The following PER2 variants were observed in gnomAD, a reference collection of about 807,000 sequenced individuals.
The protein encoded by PER2 is period circadian regulator 2.
Under a neutral mutation model 121.0 loss-of-function variants are expected in PER2, and 66 were observed. The observed-to-expected ratio is 0.55, with a 90% confidence interval of 0.45 to 0.67. The LOEUF is 0.67. PER2 is among the 30% of genes least tolerant of loss of function. The pLI is 0.00. For synonymous variants in PER2, 684 were observed against 659.9 expected (o/e 1.04, Z -0.56); for missense variants, 1,521 against 1,635.0 (o/e 0.93, Z 1.20).
chr2:238,258,851 A>AGCT (rs1695842267), intron 14 of PER2, among the ~76,000 whole-genome samples: 1 of 150,124 alleles, frequency 6.7e-6, no homozygotes, highest in African/African-American at 2.5e-5. Context: ...CTGGGGGGGG[A>AGCT]GCTGCTGCCC....
intron 22 of PER2, among the ~76,000 whole-genome samples, chr2:238,248,713 T>C (rs955768987): frequency 7.9e-5 from 12 of 151,120 alleles, no homozygotes; most frequent in African/African-American, 2.9e-4. Flanking sequence ...TGGAGTGCAG[T>C]GGTGCCATCT....
Position 238,253,424 on chromosome 2 carries a change from C to T in PER2, c.2599G>A (p.Ala867Thr). The change falls in exon 19 of 23, where the codon GCA becomes ACA. Residue 867 changes from alanine to threonine, a missense_variant. Transcript: ENST00000254657. This position sits in a 1 kb window ranked among gnomAD's most constrained non-coding sequence, Gnocchi z 5.6. Reference protein sequence around the residue: ...PVFPAPGTVAAPPAPPHASFT... With the variant: ...PVFPAPGTVATPPAPPHASFT... Reference sequence around the variant, plus strand: ...CTGGCGTGGGGAGGTGCCGGGGGTGCTGCCACAGTCCCTGGCGCTGGAAAC... The same window carrying T: ...CTGGCGTGGGGAGGTGCCGGGGGTGTTGCCACAGTCCCTGGCGCTGGAAAC... 6.2e-7 allele frequency: 1 copy of T among 1,610,526 alleles called. No individual in the cohort carries two copies. Among genetic ancestry groups the T allele is most frequent in the Non-Finnish European group, 8.5e-7 (1 of 1,177,506 alleles).
At position 238,250,590 on chromosome 2, in the gene PER2, G is replaced by C; in HGVS notation, c.3428C>G (p.Ala1143Gly). The part of the protein sequence containing the change: ...QDPIWLLMAD[A>G]DSSVMMTYQL... ...GTACGTCATCATGACGCTGCTGTCC[G>C]CATCTGCCATCAGCAGCCAGATGGG... Residue 1143 changes from alanine to glycine, a missense_variant, in exon 21 of 23, where the codon GCG becomes GGG. By Grantham distance (60) the Ala-to-Gly change is moderately conservative (BLOSUM62 0). Coordinates refer to ENST00000254657, the MANE Select transcript of PER2 (RefSeq NM_022817.3). 1 of 1,613,456 alleles carries C rather than the reference G, an allele frequency of 6.2e-7. No homozygotes were observed.
chr2:238,296,953 C>T, the PER2 span, among the ~76,000 whole-genome samples: 1 of 152,212 alleles, frequency 6.6e-6, no homozygotes, highest in East Asian at 1.9e-4. Context: ...GCAGGGCCCT[C>T]CTCGCGGGGG....
intron 22 of PER2, among the ~76,000 whole-genome samples, chr2:238,247,001 T>C (rs78639475): frequency 0.11 from 17,365 of 152,020 alleles, 1,306 homozygotes; most frequent in Admixed American, 0.18. Context: ...AGAGAGACAA[T>C]AACTAAGAAG....
chr2:238,274,798 C>T (rs1373110010), intron 4 of PER2, among the ~76,000 whole-genome samples: 1 of 152,206 alleles, frequency 6.6e-6, no homozygotes, highest in Non-Finnish European at 1.5e-5. Context: ...GCACCTTGTT[C>T]TGTCTGTATC....
At chr2:238,286,948 C>T (rs1484837835) in intron 1 of PER2, among the ~76,000 whole-genome samples, 1 of 152,228 alleles carries the variant, frequency 6.6e-6, no homozygotes, top group Non-Finnish European at 1.5e-5. Context: ...ATATCAGAAG[C>T]CTCTGTCTCC....
intron 5 of PER2, among the ~76,000 whole-genome samples, chr2:238,272,424 G>A (rs765544811): frequency 1.3e-5 from 2 of 152,256 alleles, no homozygotes; most frequent in African/African-American, 4.8e-5. Context: ...CACCATGGGC[G>A]CTCTACCTGC....
chr2:238,277,951 C>T lies in PER2; in HGVS notation c.-15G>A, dbSNP rs755084971. ...TATCCATTCATGCTGGGCTCTGGAA[C>T]GAAGCTGGCAAACAGAGGGATGCTG... On this transcript the variant is annotated 5_prime_UTR_variant, in exon 2 of 23. Transcript: ENST00000254657. 3.7e-6 allele frequency: 6 copies of T among 1,611,890 alleles called. No individual in the cohort carries two copies. The highest frequency in any genetic ancestry group is 3.3e-5 in the Admixed American group (2 of 59,794).
intron 1 of PER2, among the ~76,000 whole-genome samples, chr2:238,283,116 G>C (rs1696678679): frequency 6.6e-6 from 1 of 152,226 alleles, no homozygotes. Flanking sequence ...CAGCTGGATA[G>C]GAGGGAGAGC....
At chr2:238,282,296 G>A (rs1012023552) in intron 1 of PER2, among the ~76,000 whole-genome samples, 4 of 152,102 alleles carry the variant, frequency 2.6e-5, no homozygotes, top group African/African-American at 9.7e-5. Flanking sequence ...GAACAGCACC[G>A]TCTCCCCACC....
chr2:238,266,843 GC>G (rs201626973), intron 8 of PER2, among the ~76,000 whole-genome samples: 8,433 of 152,050 alleles, frequency 0.055, 813 homozygotes, highest in African/African-American at 0.19. Flanking sequence ...TTCGAGACCA[GC>G]CTGGGCAACA....
At chr2:238,273,904 G>A (rs1438107444) in intron 4 of PER2, among the ~76,000 whole-genome samples, 1 of 152,148 alleles carries the variant, frequency 6.6e-6, no homozygotes, top group Non-Finnish European at 1.5e-5. Flanking sequence ...TTGACCTCAT[G>A]ATCTGCCCGC....
chr2:238,265,494 T>G lies in PER2; in HGVS notation c.1046+18A>C. ...TATATCAAAAACATGAAAAAGGGGG[T>G]GGGTCAAGACCACGTACCTTTCATC... is the stretch of plus-strand genomic sequence containing the variant. On this transcript the variant is annotated intron_variant, in intron 9 of 22. Transcript: ENST00000254657. 1 of 1,527,368 alleles carries G rather than the reference T, an allele frequency of 6.5e-7. No homozygotes were observed. Among genetic ancestry groups the G allele is most frequent in the Non-Finnish European group, 9.1e-7 (1 of 1,101,400 alleles). The allele number at this position is 1,527,368 out of a possible 1,614,324, so 94.6% of individuals were successfully genotyped here.
chr2:238,285,033 C>T (rs1275750535), intron 1 of PER2, among the ~76,000 whole-genome samples: 1 of 151,518 alleles, frequency 6.6e-6, no homozygotes, highest in Non-Finnish European at 1.5e-5. Flanking sequence ...GGAGGGTGGG[C>T]ATGCACTTAT....
chr2:238,274,147 AGAG>A (rs1696380127), intron 4 of PER2, among the ~76,000 whole-genome samples: 1 of 152,248 alleles, frequency 6.6e-6, no homozygotes. Context: ...TAGAATCTGA[AGAG>A]GAGGGCCACT....
At position 238,269,304 on chromosome 2, in the gene PER2, C is replaced by T. The variant is rs550523662; in HGVS notation, c.773-330G>A. On this transcript the variant is annotated intron_variant, in intron 6 of 22. Transcript: ENST00000254657. ...TGAACACACTCACGGTGCACTGCTG[C>T]AAACACACCAACTAACCTGCAACTG... is the stretch of plus-strand genomic sequence containing the variant. Among the ~76,000 whole-genome samples, 10 of 152,258 alleles carry T rather than the reference C, an allele frequency of 6.6e-5. No individual in the cohort carries two copies. The East Asian group carries it at 1.7e-3, about 26-fold the overall frequency.
intron 18 of PER2, chr2:238,254,093 C>T (rs77248397): frequency 0.11 from 31,239 of 272,600 alleles, 2,234 homozygotes; most frequent in Admixed American, 0.18. Flanking sequence ...GAAATCTGAA[C>T]GGGAGAGCCA....
chr2:238,287,999 C>T (rs981127119), intron 1 of PER2, among the ~76,000 whole-genome samples: 5 of 152,290 alleles, frequency 3.3e-5, no homozygotes, highest in Admixed American at 2.6e-4. Context: ...GGCAAAGGGG[C>T]GAACATTAGA....
Sources: allele counts gnomAD v4.1 joint callset (sites outside exome capture counted in the v4.1 genomes callset), GRCh38; gene constraint gnomAD v4.1.1; non-coding constraint Gnocchi (gnomAD v3.1); transcripts MANE v1.5; gene names NCBI Gene and HGNC (gene_info 2026-07-23, HGNC 2026-07-21).